Variants in ZNF343 observed in about 807,000 individuals in gnomAD.
ZNF343 encodes zinc finger protein 343.
A neutral mutation model predicts 13.8 loss-of-function variants in ZNF343; 11 were observed. That is an observed-to-expected ratio of 0.80 (90% confidence interval 0.50 to 1.32). The LOEUF (loss-of-function observed/expected upper bound fraction) is 1.32, where lower values mean the gene tolerates loss of function less well. Ranked by LOEUF, ZNF343 falls within the 40% of genes most tolerant of loss-of-function variation. The probability of loss-of-function intolerance (pLI) is 0.00; values close to 1 mark genes in which losing one functional copy is unlikely to be tolerated. For synonymous variants in ZNF343, 248 were observed against 260.0 expected (o/e 0.95, Z 0.44); for missense variants, 658 against 714.2 (o/e 0.92, Z 0.90).
rs115885762 is a variant in ZNF343, at chr20:2,497,711, T to G, written c.-150+2945A>C. ...TTTGCAATAAAGGAAAGCAGAGAAA[T>G]GGGGTAATAGCTGAAGGGAGAGATC... On this transcript the variant is annotated intron_variant, in intron 2 of 5. Transcript: ENST00000278772. Among the ~76,000 whole-genome samples the G allele has an allele frequency of 1.6e-3, 239 of 152,124 alleles. 2 individuals carry two copies. The highest frequency in any genetic ancestry group is 5.5e-3 in the African/African-American group (227 of 41,492).
rs1265955474 is a variant in ZNF343 at position 2,483,399 on chromosome 20, T to C, written c.1562A>G (p.Tyr521Cys). The C allele has an allele frequency of 1.9e-6, 3 of 1,611,144 alleles. No individual in the cohort carries two copies. The change falls in exon 6 of 6, where the codon TAT (tyrosine) becomes TGT (cysteine). Residue 521 changes from tyrosine (Y) to cysteine (C), a missense_variant. By Grantham distance (194) the Tyr-to-Cys change is radical (BLOSUM62 -2). Coordinates refer to ENST00000278772, the MANE Select transcript of ZNF343 (RefSeq NM_024325.6). ...HQRTHSNEKP[Y>C]ICRECGRGFC... The stretch of plus-strand genomic sequence containing the variant: ...GCCTCGCCCACATTCCCTGCAAATA[T>C]AAGGCTTCTCATTTGAGTGCGTCCT...
chr20:2,515,183 G>C (rs1415680024), intron 1 of ZNF343, among the ~76,000 whole-genome samples: 1 of 152,156 alleles, frequency 6.6e-6, no homozygotes, highest in Non-Finnish European at 1.5e-5. Context: ...CTGCTGATTA[G>C]AATACATTGA....
At chr20:2,509,587 C>A (rs930699360), upstream of ZNF343, among the ~76,000 whole-genome samples, 2 of 152,156 alleles carry the variant, frequency 1.3e-5, no homozygotes, top group Non-Finnish European at 2.9e-5. Context: ...GCTACTAGAG[C>A]CGGGCGTGGT....
rs375882415 is a variant in ZNF343, at chr20:2,483,463, G to A, written c.1498C>T (p.Arg500Ter). Reference sequence around the variant, plus strand: ...AGATTTGACTTCTGGCTAAAACCTCGCCTACACTCCCTGCAGACATAATGC... The same window carrying A: ...AGATTTGACTTCTGGCTAAAACCTCACCTACACTCCCTGCAGACATAATGC... Reference protein sequence around the residue: ...EKHYVCRECRRGFSQKSNLIR... With the variant: ...EKHYVCRECR Residue 500 changes from arginine (R) to a stop codon, truncating the protein, a stop_gained, in exon 6 of 6, where the codon CGA becomes TGA. Transcript: ENST00000278772. LOFTEE classifies it low-confidence loss of function (END_TRUNC). 2.7e-5 allele frequency: 43 copies of A among 1,607,846 alleles called. No individual in the cohort carries two copies. The highest frequency in any genetic ancestry group is 3.0e-5 in the Non-Finnish European group (35 of 1,178,294).
At chr20:2,501,095 G>T (rs958052480) in intron 1 of ZNF343, among the ~76,000 whole-genome samples, 1 of 152,134 alleles carries the variant, frequency 6.6e-6, no homozygotes, top group African/African-American at 2.4e-5. Flanking sequence ...CTGGAAAATT[G>T]GGTCACTCCC....
chr20:2,521,323 A>T (rs889034319), intron 1 of ZNF343, among the ~76,000 whole-genome samples: 2 of 152,162 alleles, frequency 1.3e-5, no homozygotes, highest in Non-Finnish European at 2.9e-5. Flanking sequence ...AGAAAGTGGA[A>T]ACTTCACCTC....
At chr20:2,485,100 G>C (rs2085262032) in intron 5 of ZNF343, among the ~76,000 whole-genome samples, 1 of 152,164 alleles carries the variant, frequency 6.6e-6, no homozygotes, top group South Asian at 2.1e-4. Flanking sequence ...GAATGTAGGA[G>C]AAAGTGTATG....
At chr20:2,523,979 C>CAAA (rs56321237) in intron 1 of ZNF343, among the ~76,000 whole-genome samples, 8 of 104,298 alleles carry the variant, frequency 7.7e-5, no homozygotes, top group East Asian at 3.8e-4. Context: ...GACCCCGTCT[C>CAAA]AAAAAAAAAA....
chr20:2,504,288 T>C (rs1048688323), intron 1 of ZNF343, among the ~76,000 whole-genome samples: 20 of 151,372 alleles, frequency 1.3e-4, no homozygotes, highest in Middle Eastern at 6.8e-3. Flanking sequence ...GAATAGACTC[T>C]GAAATTGAGG....
chr20:2,502,097 C>G (rs1346462451), intron 1 of ZNF343, among the ~76,000 whole-genome samples: 1 of 152,002 alleles, frequency 6.6e-6, no homozygotes, highest in Non-Finnish European at 1.5e-5. Flanking sequence ...ACTAGAATAA[C>G]CAATGCAGAG....
chr20:2,484,753 A>G (rs528457291), intron 5 of ZNF343, 97 bp from the exon 6 acceptor site: 316 of 1,063,448 alleles, frequency 3.0e-4, no homozygotes, highest in Non-Finnish European at 3.8e-4. Flanking sequence ...TGCCATGCCT[A>G]TAATTGATAA....
chr20:2,512,701 C>CT (rs1346193681), upstream of ZNF343, among the ~76,000 whole-genome samples: 1 of 152,124 alleles, frequency 6.6e-6, no homozygotes, highest in African/African-American at 2.4e-5. Context: ...AGCTAAAACT[C>CT]TTAGAAGAAA....
At chr20:2,521,334 T>C (rs1406023645) in intron 1 of ZNF343, among the ~76,000 whole-genome samples, 1 of 152,158 alleles carries the variant, frequency 6.6e-6, no homozygotes, top group African/African-American at 2.4e-5. Context: ...ACTTCACCTC[T>C]GGGGTGAACA....
intron 5 of ZNF343, among the ~76,000 whole-genome samples, chr20:2,487,577 C>T (rs926782591): frequency 6.6e-6 from 1 of 152,210 alleles, no homozygotes; most frequent in African/African-American, 2.4e-5. Flanking sequence ...CAATTTACTA[C>T]ATAAGGGCAA....
At chr20:2,506,278 T>C (rs1445531801) in intron 1 of ZNF343, among the ~76,000 whole-genome samples, 1 of 152,072 alleles carries the variant, frequency 6.6e-6, no homozygotes, top group Non-Finnish European at 1.5e-5. Flanking sequence ...TGGCGATCAT[T>C]AAAAAGTCAG....
intron 2 of ZNF343, among the ~76,000 whole-genome samples, chr20:2,499,357 T>C (rs2085518666): frequency 9.6e-6 from 1 of 104,192 alleles, no homozygotes; most frequent in Admixed American, 9.5e-5. Context: ...CCCAGCTACT[T>C]GGGAGGCTGA....
chr20:2,509,490 C>G (rs1016618925), upstream of ZNF343, among the ~76,000 whole-genome samples: 5 of 152,162 alleles, frequency 3.3e-5, no homozygotes, highest in Non-Finnish European at 5.9e-5. Flanking sequence ...GGGACAGACT[C>G]TCATCCAGTT....
Position 2,482,565 on chromosome 20 carries a change from G to GTA in ZNF343, c.*595_*596insTA, listed in dbSNP as rs2085182924. On this transcript the variant is annotated 3_prime_UTR_variant, in exon 6 of 6. Transcript: ENST00000278772. ...TGCATGCAGCTCCCTGTGGCTGAGA[G>GTA]TGAGTTCCAGAGCGGAGTGCATCTC... is the stretch of plus-strand genomic sequence containing the variant. 1 of 155,110 alleles carries GTA rather than the reference G, an allele frequency of 6.4e-6. No individual in the cohort carries two copies. The highest frequency in any genetic ancestry group is 2.4e-5 in the African/African-American group (1 of 41,424). The allele number at this position is 155,110 out of a possible 1,614,324, so 9.6% of individuals were successfully genotyped here.
At chr20:2,524,786 TCTTA>T (rs912202602), upstream of ZNF343, 1 of 152,076 alleles carries the variant, frequency 6.6e-6, no homozygotes, top group Non-Finnish European at 1.5e-5. Context: ...GGCCCTTCCC[TCTTA>T]CTATTTTTAT....
Sources: allele counts gnomAD v4.1 joint callset (sites outside exome capture counted in the v4.1 genomes callset), GRCh38; gene constraint gnomAD v4.1.1; transcripts MANE v1.5; gene names NCBI Gene and HGNC (gene_info 2026-07-23, HGNC 2026-07-21).